The following SAMD12 variants were observed in gnomAD, a reference collection of about 807,000 sequenced individuals.
SAMD12 encodes the protein sterile alpha motif domain containing 12, also known as sterile alpha motif domain-containing protein 12.
In SAMD12, 9 loss-of-function variants were observed where a neutral mutation model predicts 15.0. That is an observed-to-expected ratio of 0.60 (90% CI 0.36 to 1.05). The LOEUF (loss-of-function observed/expected upper bound fraction) is 1.05, where lower values mean the gene tolerates loss of function less well. Among genes scored for constraint, SAMD12 ranks in the 50% least tolerant of loss-of-function variants. SAMD12 has a pLI of 0.01. For synonymous variants in SAMD12, 86 were observed against 90.1 expected (o/e 0.96, Z 0.25); for missense variants, 230 against 234.2 (o/e 0.98, Z 0.12).
At chr8:118,140,068 G>A in the SAMD12 span, among the ~76,000 whole-genome samples, 1 of 152,182 alleles carries the variant, frequency 6.6e-6, no homozygotes, top group South Asian at 2.1e-4. Flanking sequence ...TTTCCCTAGG[G>A]TGAAGCACAG....
At chr8:118,244,958 C>CA (rs1812652849) in intron 4 of SAMD12, among the ~76,000 whole-genome samples, 1 of 152,080 alleles carries the variant, frequency 6.6e-6, no homozygotes, top group South Asian at 2.1e-4. Flanking sequence ...CACACATTCT[C>CA]AATAGGGTTT....
At chr8:118,472,820 T>C (rs1823839837) in intron 2 of SAMD12, among the ~76,000 whole-genome samples, 1 of 151,662 alleles carries the variant, frequency 6.6e-6, no homozygotes, top group Non-Finnish European at 1.5e-5. Flanking sequence ...GAATAGAAGG[T>C]AATTTGAAAA....
At chr8:118,533,197 AC>A (rs1433518679) in intron 2 of SAMD12, among the ~76,000 whole-genome samples, 2 of 152,030 alleles carry the variant, frequency 1.3e-5, no homozygotes, top group African/African-American at 4.8e-5. Context: ...TCGTTAATGT[AC>A]CCAGTAGTCA....
At chr8:118,226,811 G>A (rs1299546501) in intron 4 of SAMD12, among the ~76,000 whole-genome samples, 1 of 152,128 alleles carries the variant, frequency 6.6e-6, no homozygotes, top group African/African-American at 2.4e-5. Context: ...ACTTCCAGAG[G>A]GGCCATCTGG....
At chr8:118,199,234 G>A (rs1261005639) in intron 4 of SAMD12, among the ~76,000 whole-genome samples, 2 of 152,124 alleles carry the variant, frequency 1.3e-5, no homozygotes, top group Non-Finnish European at 2.9e-5. Context: ...AGGGTTGCAG[G>A]ATTGCCCCAT....
At chr8:118,287,389 G>T (rs918827376) in intron 4 of SAMD12, among the ~76,000 whole-genome samples, 2 of 151,644 alleles carry the variant, frequency 1.3e-5, no homozygotes, top group Admixed American at 6.6e-5. Flanking sequence ...CCTCCCAAAG[G>T]GCTGGAATTA....
chr8:118,222,475 C>G (rs934653880), intron 4 of SAMD12, among the ~76,000 whole-genome samples: 1 of 152,092 alleles, frequency 6.6e-6, no homozygotes, highest in African/African-American at 2.4e-5. Context: ...TTATAATAAT[C>G]TAAAATTTAA....
chr8:118,521,135 T>C (rs1056068593), intron 2 of SAMD12, among the ~76,000 whole-genome samples: 1 of 152,220 alleles, frequency 6.6e-6, no homozygotes, highest in African/African-American at 2.4e-5. Context: ...TGCATGCGGA[T>C]CTAAAAATTG....
intron 2 of SAMD12, among the ~76,000 whole-genome samples, chr8:118,455,958 C>T (rs1190902850): frequency 6.6e-6 from 1 of 152,212 alleles, no homozygotes; most frequent in East Asian, 1.9e-4. Flanking sequence ...TGGCAATAAC[C>T]TCCTATTTTC....
At chr8:118,462,832 G>A (rs4301473) in intron 2 of SAMD12, among the ~76,000 whole-genome samples, 9,245 of 152,188 alleles carry the variant, frequency 0.061, 704 homozygotes, top group African/African-American at 0.18. Flanking sequence ...GCCGGGCGCG[G>A]TGGCTCACGC....
chr8:118,599,155 C>A (rs952726244), intron 1 of SAMD12, among the ~76,000 whole-genome samples: 8 of 152,178 alleles, frequency 5.3e-5, no homozygotes, highest in Admixed American at 5.2e-4. Context: ...AAGCACCCAC[C>A]TAATTCTATT....
At chr8:118,592,816 G>T (rs189383906) in intron 1 of SAMD12, among the ~76,000 whole-genome samples, 6 of 152,154 alleles carry the variant, frequency 3.9e-5, no homozygotes, top group Admixed American at 1.3e-4. Context: ...GTCAGACACA[G>T]GCTTCAGGGA....
At chr8:118,343,218 C>A (rs926889503) in intron 4 of SAMD12, among the ~76,000 whole-genome samples, 1 of 152,078 alleles carries the variant, frequency 6.6e-6, no homozygotes, top group Admixed American at 6.6e-5. Context: ...CCACTTCCAA[C>A]AGAGTGGAGT....
chr8:118,167,877 T>C, the SAMD12 span, among the ~76,000 whole-genome samples: 1 of 152,160 alleles, frequency 6.6e-6, no homozygotes, highest in Non-Finnish European at 1.5e-5. Context: ...TCTTGGGGGT[T>C]GTTGGCTGGG....
intron 4 of SAMD12, among the ~76,000 whole-genome samples, chr8:118,326,756 TA>T (rs1816584037): frequency 6.6e-6 from 1 of 152,174 alleles, no homozygotes; most frequent in Non-Finnish European, 1.5e-5. Flanking sequence ...ACTGGCCTAA[TA>T]AATCATTCTC....
At chr8:118,602,587 A>G (rs1827887634) in intron 1 of SAMD12, among the ~76,000 whole-genome samples, 1 of 152,238 alleles carries the variant, frequency 6.6e-6, no homozygotes, top group African/African-American at 2.4e-5. Context: ...ACAGAAGTAC[A>G]AACTCTGGAA....
At chr8:118,287,386 A>G (rs1053927185) in intron 4 of SAMD12, among the ~76,000 whole-genome samples, 2 of 152,166 alleles carry the variant, frequency 1.3e-5, no homozygotes, top group East Asian at 1.9e-4. Flanking sequence ...CGGCCTCCCA[A>G]AGGGCTGGAA....
chr8:118,442,686 T>C (rs2130895542), intron 2 of SAMD12, among the ~76,000 whole-genome samples: 1 of 152,338 alleles, frequency 6.6e-6, no homozygotes, highest in Non-Finnish European at 1.5e-5. Context: ...CCTCTGAATC[T>C]AGTTCTTTCC....
At chr8:118,504,423 G>A (rs553097355) in intron 2 of SAMD12, among the ~76,000 whole-genome samples, 6 of 152,312 alleles carry the variant, frequency 3.9e-5, no homozygotes, top group South Asian at 2.1e-4. Context: ...TCTCACAGAT[G>A]GTGAGACAGT....
Sources: allele counts gnomAD v4.1 joint callset (sites outside exome capture counted in the v4.1 genomes callset), GRCh38; gene constraint gnomAD v4.1.1; transcripts MANE v1.5; gene names NCBI Gene and HGNC (gene_info 2026-07-23, HGNC 2026-07-21).